SCAPER: variants seen among roughly 807,000 people sequenced by gnomAD.
SCAPER encodes the protein S-phase cyclin A associated protein in the ER, also known as S phase cyclin A-associated protein in the endoplasmic reticulum.
Under a neutral mutation model 182.2 loss-of-function variants are expected in SCAPER, and 98 were observed. The ratio of observed to expected loss-of-function variants is 0.54; its 90% confidence interval spans 0.46 to 0.64. The LOEUF is 0.64. Among genes scored for constraint, SCAPER ranks in the 30% least tolerant of loss-of-function variants. The pLI is 0.00. For synonymous variants in SCAPER, 605 were observed against 564.6 expected (o/e 1.07, Z -1.01); for missense variants, 1,432 against 1,690.0 (o/e 0.85, Z 2.68).
chr15:76,581,200 T>A (rs1294338397), intron 22 of SCAPER, among the ~76,000 whole-genome samples: 1 of 152,170 alleles, frequency 6.6e-6, no homozygotes, highest in Non-Finnish European at 1.5e-5. Context: ...CAGGACCTGA[T>A]GGCTTCACTA....
At chr15:76,444,544 T>C (rs1036629497) in intron 25 of SCAPER, among the ~76,000 whole-genome samples, 1 of 152,252 alleles carries the variant, frequency 6.6e-6, no homozygotes, top group Non-Finnish European at 1.5e-5. Context: ...TACCTATGTG[T>C]TAGGGCTTAA....
chr15:76,790,158 G>A (rs1267982102), intron 8 of SCAPER, among the ~76,000 whole-genome samples: 1 of 151,584 alleles, frequency 6.6e-6, no homozygotes, highest in Non-Finnish European at 1.5e-5. Flanking sequence ...GTGAACCCAG[G>A]AGGCGGAGCT....
chr15:76,527,158 GA>G (rs1213643711), intron 23 of SCAPER, among the ~76,000 whole-genome samples: 2 of 152,156 alleles, frequency 1.3e-5, no homozygotes, highest in Non-Finnish European at 2.9e-5. Flanking sequence ...TTACAGGCGC[GA>G]GCCATCACGC....
At chr15:76,805,381 G>T (rs2066076774) in intron 5 of SCAPER, among the ~76,000 whole-genome samples, 1 of 152,068 alleles carries the variant, frequency 6.6e-6, no homozygotes, top group South Asian at 2.1e-4. Flanking sequence ...ATTCCCAGCA[G>T]CAATTTATGA....
chr15:76,416,617 A>G (rs961660246), intron 26 of SCAPER, among the ~76,000 whole-genome samples: 1 of 152,202 alleles, frequency 6.6e-6, no homozygotes, highest in Admixed American at 6.5e-5. Flanking sequence ...GTGTAGGTCA[A>G]TCTGGCAATA....
chr15:76,566,213 C>G (rs985842482), intron 23 of SCAPER, among the ~76,000 whole-genome samples: 2 of 152,136 alleles, frequency 1.3e-5, no homozygotes, highest in Admixed American at 6.6e-5. Flanking sequence ...AGAGTTTCTA[C>G]CTTTCTACCT....
At chr15:76,495,105 T>C (rs905868139) in intron 24 of SCAPER, among the ~76,000 whole-genome samples, 1 of 152,098 alleles carries the variant, frequency 6.6e-6, no homozygotes, top group African/African-American at 2.4e-5. Flanking sequence ...TACCATGGCA[T>C]AGATGGGTTA....
chr15:76,851,952 C>CCTAT (rs1228630855), intron 4 of SCAPER, among the ~76,000 whole-genome samples: 1 of 151,938 alleles, frequency 6.6e-6, no homozygotes, highest in Non-Finnish European at 1.5e-5. Context: ...CCATATCACA[C>CCTAT]ATAGAGACAT....
intron 24 of SCAPER, 105 bp from the exon 25 acceptor site, chr15:76,471,440 G>A (rs1394154164): frequency 9.2e-6 from 12 of 1,310,176 alleles, no homozygotes; most frequent in Admixed American, 3.1e-5. Flanking sequence ...GCATGAGATG[G>A]AAGTCACTCT....
intron 19 of SCAPER, 46 bp downstream of exon 19, chr15:76,702,804 C>CT (rs1374479232): frequency 6.4e-7 from 1 of 1,559,432 alleles, no homozygotes; most frequent in South Asian, 1.2e-5. Flanking sequence ...GTTTCATAAA[C>CT]TTTAGTAGTA....
At chr15:76,782,100 G>A (rs1215795338) in intron 8 of SCAPER, among the ~76,000 whole-genome samples, 1 of 151,780 alleles carries the variant, frequency 6.6e-6, no homozygotes, top group Non-Finnish European at 1.5e-5. Flanking sequence ...TGGCAAATTG[G>A]ACAGAGTCAA....
chr15:76,429,834 T>C (rs1232488785), intron 26 of SCAPER, among the ~76,000 whole-genome samples: 2 of 152,196 alleles, frequency 1.3e-5, no homozygotes, highest in Non-Finnish European at 2.9e-5. Flanking sequence ...AACAAGGAAC[T>C]GAATGTTAAT....
intron 17 of SCAPER, among the ~76,000 whole-genome samples, chr15:76,721,875 G>A (rs1345141057): frequency 6.6e-6 from 1 of 152,172 alleles, no homozygotes; most frequent in East Asian, 1.9e-4. Flanking sequence ...TCGGCAAACA[G>A]GGACAATTTG....
At chr15:76,795,219 A>AT in intron 8 of SCAPER, 61 bp downstream of exon 8, 1 of 1,430,162 alleles carries the variant, frequency 7.0e-7, no homozygotes, top group Non-Finnish European at 9.5e-7. Flanking sequence ...TTTAAACAAA[A>AT]TAAGTATCTC....
At position 76,767,039 on chromosome 15, in the gene SCAPER, T is replaced by G; in HGVS notation, c.1298A>C (p.Glu433Ala). ...AKKEELADRLEKANEEAIASA... is the reference protein window; with the variant it reads ...AKKEELADRLAKANEEAIASA... Reference sequence around the variant, plus strand: ...AGCAATGGCTTCTTCATTGGCCTTTTCTAGACGATCTGCTAGCTCTTCTTT... The same window carrying G: ...AGCAATGGCTTCTTCATTGGCCTTTGCTAGACGATCTGCTAGCTCTTCTTT... Residue 433 changes from glutamate to alanine, a missense_variant, in exon 11 of 32, where the codon GAA (glutamate) becomes GCA (alanine). Transcript: ENST00000563290. 6.2e-7 allele frequency: 1 copy of G among 1,603,278 alleles called. No homozygotes were observed.
intron 20 of SCAPER, among the ~76,000 whole-genome samples, chr15:76,668,041 C>T (rs1336027384): frequency 1.3e-5 from 2 of 152,090 alleles, no homozygotes; most frequent in African/African-American, 2.4e-5. Flanking sequence ...GAAAATAACA[C>T]GTCTACAACA....
intron 25 of SCAPER, among the ~76,000 whole-genome samples, chr15:76,457,144 C>A (rs1338301842): frequency 6.6e-6 from 1 of 152,038 alleles, no homozygotes; most frequent in South Asian, 2.1e-4. Context: ...CTCGCCGCAA[C>A]CTCCGCCTCC....
intron 24 of SCAPER, chr15:76,472,170 G>A (rs1030977046): frequency 8.7e-6 from 4 of 458,808 alleles, no homozygotes; most frequent in Admixed American, 8.1e-5. Flanking sequence ...AGAAAGATCC[G>A]TAAGGTTGTC....
At chr15:76,723,735 T>C (rs576641054) in intron 17 of SCAPER, among the ~76,000 whole-genome samples, 1 of 152,318 alleles carries the variant, frequency 6.6e-6, no homozygotes, top group East Asian at 1.9e-4. Context: ...TATCAGAGAC[T>C]AGGATTGCAA....
Sources: allele counts gnomAD v4.1 joint callset (sites outside exome capture counted in the v4.1 genomes callset), GRCh38; gene constraint gnomAD v4.1.1; transcripts MANE v1.5; gene names NCBI Gene and HGNC (gene_info 2026-07-23, HGNC 2026-07-21).